The following STK39 variants were observed in gnomAD, a reference collection of about 807,000 sequenced individuals.
STK39 encodes the protein serine/threonine kinase 39, also known as STE20/SPS1-related proline-alanine-rich protein kinase.
In STK39, 20 loss-of-function variants were observed where a neutral mutation model predicts 77.8. The ratio of observed to expected loss-of-function variants is 0.26; its 90% CI spans 0.18 to 0.37. The LOEUF (loss-of-function observed/expected upper bound fraction) is 0.37. STK39 is among the 10% of genes least tolerant of loss of function. STK39 has a pLI of 1.00. For missense variants in STK39, 479 were observed against 656.5 expected (o/e 0.73, Z 2.95); for synonymous variants, 246 against 234.1 (o/e 1.05, Z -0.47).
intron 1 of STK39, among the ~76,000 whole-genome samples, chr2:168,246,942 C>A (rs1475391481): frequency 6.6e-6 from 1 of 151,978 alleles, no homozygotes; most frequent in African/African-American, 2.4e-5. Flanking sequence ...CGCTCCACCG[C>A]CCCGGCGATC....
In STK39 at chr2:168,247,425, G is replaced by T; in HGVS notation, c.11C>A (p.Pro4Gln). Residue 4 changes from proline to glutamine, a missense_variant, in exon 1 of 18, where the codon CCG becomes CAG. By Grantham distance (76) the Pro-to-Gln change is moderately conservative. Coordinates refer to ENST00000355999, the MANE Select transcript of STK39 (RefSeq NM_013233.3). MAE[P>Q]SGSPVHVQLP... ...CTGGACGTGCACGGGCGAGCCGCTC[G>T]GCTCCGCCATGATGCTGCGGAGGAG... The T allele has an allele frequency of 8.0e-7, 1 of 1,243,826 alleles. No homozygotes were observed. Among genetic ancestry groups the T allele is most frequent in the Non-Finnish European group, 1.0e-6 (1 of 983,914 alleles). The allele number at this position is 1,243,826 out of a possible 1,614,324, so 77.0% of individuals were successfully genotyped here.
intron 16 of STK39, among the ~76,000 whole-genome samples, chr2:167,979,282 A>G (rs998941815): frequency 6.6e-6 from 1 of 152,234 alleles, no homozygotes; most frequent in African/African-American, 2.4e-5. Flanking sequence ...TACCATTTTT[A>G]CATTCCCACC....
chr2:168,137,411 T>G (rs1295888603), intron 8 of STK39, among the ~76,000 whole-genome samples: 1 of 152,070 alleles, frequency 6.6e-6, no homozygotes, highest in Non-Finnish European at 1.5e-5. Context: ...CAAAGAACAG[T>G]GGGCTCCATG....
At chr2:168,200,024 A>G (rs1689574402) in intron 1 of STK39, among the ~76,000 whole-genome samples, 1 of 152,186 alleles carries the variant, frequency 6.6e-6, no homozygotes, top group African/African-American at 2.4e-5. Context: ...ATAGTATCTG[A>G]CCTGAATCAC....
intron 2 of STK39, among the ~76,000 whole-genome samples, chr2:168,170,167 A>C (rs1180969123): frequency 1.3e-5 from 2 of 152,136 alleles, no homozygotes; most frequent in Non-Finnish European, 2.9e-5. Flanking sequence ...TTTCCACAAA[A>C]CTATCCCCTC....
intron 14 of STK39, among the ~76,000 whole-genome samples, chr2:168,027,311 C>G (rs1559063414): frequency 6.6e-6 from 1 of 152,150 alleles, no homozygotes; most frequent in Non-Finnish European, 1.5e-5. Flanking sequence ...CCCTCCAAAC[C>G]CTTGCCCTTA....
At chr2:168,036,032 G>GT (rs1684943997) in intron 14 of STK39, among the ~76,000 whole-genome samples, 1 of 152,180 alleles carries the variant, frequency 6.6e-6, no homozygotes, top group Non-Finnish European at 1.5e-5. Context: ...GAATACGTGA[G>GT]TCTGTCAAAG....
At position 168,210,082 on chromosome 2, in the gene STK39, A is replaced by AAGGAAGGAAGG. The variant is rs1207757423; in HGVS notation, c.209-27993_209-27992insCCTTCCTTCCT. On this transcript the variant is annotated intron_variant, in intron 1 of 17. Transcript: ENST00000355999. Reference sequence around the variant, plus strand: ...GGAAGGAAGGAAGGAAGGAAGGAAGAAAGAAACTCATGTAATTAGAAAAAC... The same window carrying AAGGAAGGAAGG: ...GGAAGGAAGGAAGGAAGGAAGGAAGAAGGAAGGAAGGAAGAAACTCATGTAATTAGAAAAAC... Among the ~76,000 whole-genome samples the AAGGAAGGAAGG allele has an allele frequency of 7.3e-3, 940 of 128,882 alleles. 29 individuals carry two copies. The highest frequency in any genetic ancestry group is 0.059 in the East Asian group (260 of 4,404). The allele number at this position is 128,882 out of a possible 152,430, so 84.6% of individuals were successfully genotyped here. A position where few individuals can be genotyped will look rare whatever the true frequency, so the allele number is the denominator to read the frequency against.
chr2:168,032,972 T>C (rs1217923138), intron 14 of STK39, among the ~76,000 whole-genome samples: 1 of 152,244 alleles, frequency 6.6e-6, no homozygotes, highest in East Asian at 1.9e-4. Flanking sequence ...AGGTTAACAG[T>C]TATAAGCCTT....
chr2:168,043,380 T>C (rs981571825), intron 14 of STK39, among the ~76,000 whole-genome samples: 6 of 152,082 alleles, frequency 3.9e-5, no homozygotes, highest in Non-Finnish European at 8.8e-5. Flanking sequence ...AATTTTTAAA[T>C]TGAAAATAAA....
At chr2:168,158,419 C>A (rs1021010513) in intron 5 of STK39, among the ~76,000 whole-genome samples, 14 of 152,296 alleles carry the variant, frequency 9.2e-5, no homozygotes, top group Admixed American at 8.5e-4. Flanking sequence ...GCCCTGAAAC[C>A]TTACCAGGGA....
At chr2:168,165,601 T>C (rs1050010565) in intron 3 of STK39, among the ~76,000 whole-genome samples, 4 of 151,818 alleles carry the variant, frequency 2.6e-5, no homozygotes, top group Non-Finnish European at 2.9e-5. Context: ...TTTTTCTTTT[T>C]AATTAAAAAC....
chr2:168,160,111 C>T (rs1240405335), intron 5 of STK39, among the ~76,000 whole-genome samples: 1 of 152,174 alleles, frequency 6.6e-6, no homozygotes, highest in Non-Finnish European at 1.5e-5. Context: ...ATTAATCTGA[C>T]AAGAATAATG....
chr2:168,211,408 T>C (rs192539467), intron 1 of STK39, among the ~76,000 whole-genome samples: 175 of 152,314 alleles, frequency 1.1e-3, no homozygotes, highest in African/African-American at 4.0e-3. Context: ...ACTCACCACA[T>C]ATGTGCACCT....
At chr2:168,080,624 C>CT (rs1263049009) in intron 10 of STK39, among the ~76,000 whole-genome samples, 1 of 151,220 alleles carries the variant, frequency 6.6e-6, no homozygotes, top group African/African-American at 2.4e-5. Context: ...AGTGAGACTC[C>CT]TTCTCCAAAA....
intron 16 of STK39, among the ~76,000 whole-genome samples, chr2:167,984,541 G>A (rs1683508323): frequency 6.6e-6 from 1 of 152,130 alleles, no homozygotes; most frequent in South Asian, 2.1e-4. Context: ...GCTGGTAGAG[G>A]CCAATCATCT....
chr2:168,007,295 A>G (rs1236423410), intron 16 of STK39, among the ~76,000 whole-genome samples: 1 of 152,208 alleles, frequency 6.6e-6, no homozygotes. Context: ...TTAAAACACT[A>G]GAATCCTATA....
intron 2 of STK39, among the ~76,000 whole-genome samples, chr2:168,175,079 C>T (rs960751103): frequency 2.0e-5 from 3 of 152,124 alleles, no homozygotes; most frequent in East Asian, 1.9e-4. Context: ...CTGCAGCCTC[C>T]TCTTAATACT....
chr2:168,001,508 T>C lies in STK39; in HGVS notation c.1498+11126A>G, dbSNP rs190712996. On this transcript the variant is annotated intron_variant, in intron 16 of 17. Coordinates refer to ENST00000355999, the MANE Select transcript of STK39 (RefSeq NM_013233.3). ...GGCTTTCTTAGGATTGGCAAGAAAG[T>C]CCTCTTTTTTTAAAAAAAAAAATGA... 6.7e-3 allele frequency among the ~76,000 whole-genome samples: 760 copies of C among 112,770 alleles called. 7 individuals carry two copies. Among genetic ancestry groups the C allele is most frequent in the African/African-American group, 0.022 (718 of 32,340 alleles). 74.0% of individuals were successfully genotyped at this position (112,770 alleles called of 152,430 possible).
Sources: gnomAD v4.1 joint callset for allele counts (sites outside exome capture counted in the v4.1 genomes callset) on GRCh38, gnomAD v4.1.1 for gene constraint, MANE v1.5 for transcripts, NCBI Gene and HGNC (gene_info 2026-07-23, HGNC 2026-07-21) for gene names.